The following SPOCK1 variants were observed in gnomAD, a reference collection of about 807,000 sequenced individuals.
SPOCK1 encodes SPARC (osteonectin), cwcv and kazal like domains proteoglycan 1, also known as testican-1.
Under a neutral mutation model 55.3 loss-of-function variants are expected in SPOCK1, and 23 were observed. The ratio of observed to expected loss-of-function variants is 0.42; its 90% CI spans 0.30 to 0.59. SPOCK1 has a LOEUF of 0.59. Ranked by LOEUF, SPOCK1 falls within the 20% of genes least tolerant of loss-of-function variation. SPOCK1 has a pLI of 0.22. For synonymous variants in SPOCK1, 226 were observed against 221.0 expected (o/e 1.02, Z -0.20); for missense variants, 499 against 552.5 (o/e 0.90, Z 0.97).
chr5:137,015,285 C>CAAA (rs11440015), intron 6 of SPOCK1, among the ~76,000 whole-genome samples: 9,962 of 139,268 alleles, frequency 0.072, 509 homozygotes, highest in African/African-American at 0.15. Flanking sequence ...ACTAAAAATA[C>CAAA]AAAAAAAAAA....
intron 2 of SPOCK1, among the ~76,000 whole-genome samples, chr5:137,479,699 C>CAGGG: frequency 6.6e-6 from 1 of 152,312 alleles, no homozygotes; most frequent in Non-Finnish European, 1.5e-5. Flanking sequence ...CCTGGGACAA[C>CAGGG]GCAGATCAGA....
chr5:137,325,376 C>T (rs1330236549), intron 2 of SPOCK1, among the ~76,000 whole-genome samples: 1 of 152,102 alleles, frequency 6.6e-6, no homozygotes, highest in Non-Finnish European at 1.5e-5. Context: ...GTTCATTGCC[C>T]TTTGTGCTTT....
In SPOCK1 at chr5:137,112,041, C is replaced by A. The variant is rs563912147; in HGVS notation, c.474+394G>T. On this transcript the variant is annotated intron_variant, in intron 5 of 10. Coordinates refer to ENST00000394945, the MANE Select transcript of SPOCK1 (RefSeq NM_004598.4). ...ATTAGGTGTGCACTGATGTCACACC[C>A]CTTCCTTCCACTGCACTGGCACAAG... Among the ~76,000 whole-genome samples, 5 of 152,176 alleles carry A rather than the reference C, an allele frequency of 3.3e-5. No homozygotes were observed. The South Asian group carries it at 1.0e-3, about 32-fold the overall frequency.
At chr5:137,233,713 CTTTTT>C (rs56328555) in intron 3 of SPOCK1, among the ~76,000 whole-genome samples, 3 of 58,410 alleles carry the variant, frequency 5.1e-5, no homozygotes, top group African/African-American at 1.8e-4. Flanking sequence ...AGGATATGCA[CTTTTT>C]TTTTTTTTTT....
At chr5:137,019,221 T>A (rs1014218328) in intron 6 of SPOCK1, among the ~76,000 whole-genome samples, 1 of 152,196 alleles carries the variant, frequency 6.6e-6, no homozygotes, top group Non-Finnish European at 1.5e-5. Context: ...AATGCTATAC[T>A]TGCTTGTGCA....
At chr5:137,282,814 G>A (rs763751562) in intron 2 of SPOCK1, among the ~76,000 whole-genome samples, 30 of 152,152 alleles carry the variant, frequency 2.0e-4, no homozygotes, top group Non-Finnish European at 3.5e-4. Flanking sequence ...GGCACCAAAG[G>A]AGAAAACCCA....
At chr5:137,257,453 A>G (rs1482096570) in intron 3 of SPOCK1, among the ~76,000 whole-genome samples, 1 of 152,114 alleles carries the variant, frequency 6.6e-6, no homozygotes, top group Non-Finnish European at 1.5e-5. Flanking sequence ...TTCCCCCAAC[A>G]TGAGGACACA....
chr5:137,013,329 C>G (rs926851708), intron 6 of SPOCK1, among the ~76,000 whole-genome samples: 4 of 152,172 alleles, frequency 2.6e-5, no homozygotes, highest in Non-Finnish European at 5.9e-5. Context: ...TCAGAACAGA[C>G]TATCTCAGAG....
chr5:137,172,754 G>A (rs1239292787), intron 3 of SPOCK1, among the ~76,000 whole-genome samples: 1 of 152,122 alleles, frequency 6.6e-6, no homozygotes, highest in African/African-American at 2.4e-5. Flanking sequence ...TAATGGAGGT[G>A]AGCTCACTTC....
At chr5:137,039,155 TC>T (rs1395088777) in intron 6 of SPOCK1, among the ~76,000 whole-genome samples, 4 of 152,072 alleles carry the variant, frequency 2.6e-5, no homozygotes, top group Non-Finnish European at 5.9e-5. Flanking sequence ...TATTCTTATT[TC>T]CATTCTTCCA....
intron 3 of SPOCK1, among the ~76,000 whole-genome samples, chr5:137,169,747 T>A (rs898685762): frequency 6.6e-6 from 1 of 152,192 alleles, no homozygotes; most frequent in South Asian, 2.1e-4. Flanking sequence ...GGAAGTAAGA[T>A]GTGTTGTTCT....
In SPOCK1 at chr5:137,237,823, T is replaced by A. The variant is rs561251062; in HGVS notation, c.232+29187A>T. 1.8e-4 allele frequency among the ~76,000 whole-genome samples: 27 copies of A among 152,298 alleles called. 1 individual carries two copies. Among genetic ancestry groups the A allele is most frequent in the African/African-American group, 5.5e-4 (23 of 41,576 alleles). On this transcript the variant is annotated intron_variant, in intron 3 of 10. Transcript: ENST00000394945. Reference sequence around the variant, plus strand: ...TTCCCTGAGTTCCTGCTGCAGCAGATATGGTTGGAGTGTGGGACTCTAACA... The same window carrying A: ...TTCCCTGAGTTCCTGCTGCAGCAGAAATGGTTGGAGTGTGGGACTCTAACA...
chr5:137,299,867 T>C (rs1757553959), intron 2 of SPOCK1, among the ~76,000 whole-genome samples: 1 of 152,206 alleles, frequency 6.6e-6, no homozygotes, highest in Non-Finnish European at 1.5e-5. Context: ...GGCTATAATA[T>C]ACCTAAGTGC....
chr5:136,986,070 A>G (rs1750835612), intron 8 of SPOCK1, among the ~76,000 whole-genome samples: 1 of 152,204 alleles, frequency 6.6e-6, no homozygotes, highest in South Asian at 2.1e-4. Context: ...TGTAGACTGC[A>G]CAATGCTACC....
intron 6 of SPOCK1, among the ~76,000 whole-genome samples, chr5:137,013,859 C>T (rs1294714891): frequency 6.6e-6 from 1 of 152,118 alleles, no homozygotes; most frequent in Non-Finnish European, 1.5e-5. Flanking sequence ...ACAGGAGTTA[C>T]AGTTTTTTTT....
intron 3 of SPOCK1, among the ~76,000 whole-genome samples, chr5:137,179,324 T>A (rs1754922278): frequency 6.6e-6 from 1 of 152,162 alleles, no homozygotes. Context: ...TGATTTCAGG[T>A]CTGATTTTGT....
At chr5:137,149,514 TA>T (rs1754270761) in intron 3 of SPOCK1, among the ~76,000 whole-genome samples, 1 of 152,154 alleles carries the variant, frequency 6.6e-6, no homozygotes, top group Non-Finnish European at 1.5e-5. Context: ...TAAGAGGGCA[TA>T]AAAAGCATAG....
chr5:137,125,030 A>T (rs1215788690), intron 4 of SPOCK1, among the ~76,000 whole-genome samples: 1 of 152,218 alleles, frequency 6.6e-6, no homozygotes, highest in Admixed American at 6.5e-5. Context: ...GGTAGGTTCT[A>T]TGCAGCAAAC....
At chr5:137,420,707 C>T (rs552956360) in intron 2 of SPOCK1, among the ~76,000 whole-genome samples, 115 of 152,194 alleles carry the variant, frequency 7.6e-4, no homozygotes, top group African/African-American at 2.5e-3. Flanking sequence ...ATGAGTCTTG[C>T]TAGTGGTCTA....
Sources: gnomAD v4.1 joint callset for allele counts (sites outside exome capture counted in the v4.1 genomes callset) on GRCh38, gnomAD v4.1.1 for gene constraint, MANE v1.5 for transcripts, NCBI Gene and HGNC (gene_info 2026-07-23, HGNC 2026-07-21) for gene names.